Variants in AGMO observed in about 807,000 individuals in gnomAD.
AGMO encodes the protein alkylglycerol monooxygenase, also known as glyceryl-ether monooxygenase.
AGMO carries 75 observed loss-of-function variants against 60.2 expected under a neutral mutation model. The ratio of observed to expected loss-of-function variants is 1.25; its 90% CI spans 1.03 to 1.51. The LOEUF (loss-of-function observed/expected upper bound fraction) is 1.51, where lower values mean the gene tolerates loss of function less well. AGMO is among the 40% of genes most tolerant of loss of function. The pLI, the probability that AGMO is intolerant of heterozygous loss-of-function variation, is 0.00. For missense variants in AGMO, 763 were observed against 525.5 expected (o/e 1.45, Z -4.42); for synonymous variants, 261 against 177.1 (o/e 1.47, Z -3.76).
intron 3 of AGMO, among the ~76,000 whole-genome samples, chr7:15,500,851 T>C (rs978193468): frequency 6.6e-6 from 1 of 151,966 alleles, no homozygotes; most frequent in Non-Finnish European, 1.5e-5. Context: ...CTCTTAACAC[T>C]GCCTCAGCTG....
chr7:15,352,621 C>T (rs1053541718), intron 12 of AGMO, among the ~76,000 whole-genome samples: 13 of 151,944 alleles, frequency 8.6e-5, no homozygotes, highest in African/African-American at 3.1e-4. Flanking sequence ...TGGAACCAGA[C>T]ATTCTGGCCT....
chr7:15,454,210 T>C (rs973922099), intron 3 of AGMO, among the ~76,000 whole-genome samples: 6 of 152,030 alleles, frequency 3.9e-5, no homozygotes, highest in Non-Finnish European at 7.4e-5. Flanking sequence ...AAACACACAC[T>C]AACTTAAGTT....
intron 12 of AGMO, among the ~76,000 whole-genome samples, chr7:15,354,289 G>A (rs560368946): frequency 3.7e-5 from 4 of 107,474 alleles, no homozygotes; most frequent in Non-Finnish European, 5.5e-5. Context: ...TCACGAATGA[G>A]ATAAATATAT....
At chr7:15,271,441 A>AT (rs1783608055) in intron 12 of AGMO, among the ~76,000 whole-genome samples, 1 of 152,090 alleles carries the variant, frequency 6.6e-6, no homozygotes, top group South Asian at 2.1e-4. Context: ...TGTAAATGAG[A>AT]TTGAGTTTTC....
At chr7:15,366,715 CA>C (rs1782999016) in intron 10 of AGMO, among the ~76,000 whole-genome samples, 1 of 151,984 alleles carries the variant, frequency 6.6e-6, no homozygotes, top group Non-Finnish European at 1.5e-5. Flanking sequence ...ATATTTGATT[CA>C]ATCTACATGC....
intron 3 of AGMO, among the ~76,000 whole-genome samples, chr7:15,465,018 T>C (rs575112811): frequency 1.6e-3 from 236 of 152,248 alleles, no homozygotes; most frequent in African/African-American, 5.4e-3. Context: ...CACGTGTCAT[T>C]TTCTGTAATT....
intron 4 of AGMO, among the ~76,000 whole-genome samples, chr7:15,420,549 A>C (rs1368688679): frequency 6.6e-6 from 1 of 152,158 alleles, no homozygotes. Flanking sequence ...TAGAAAAAGA[A>C]TCTAATGACA....
At chr7:15,426,820 T>C (rs965100767) in intron 4 of AGMO, among the ~76,000 whole-genome samples, 1 of 151,934 alleles carries the variant, frequency 6.6e-6, no homozygotes, top group Non-Finnish European at 1.5e-5. Context: ...GCAGAGGTAA[T>C]GGCATGTGCA....
intron 2 of AGMO, among the ~76,000 whole-genome samples, chr7:15,557,412 GC>G (rs1289201506): frequency 6.6e-6 from 1 of 152,038 alleles, no homozygotes; most frequent in East Asian, 1.9e-4. Context: ...TCCGATCATT[GC>G]CGTGTTAATC....
intron 12 of AGMO, among the ~76,000 whole-genome samples, chr7:15,322,565 A>AAT (rs1306148346): frequency 1.7e-4 from 6 of 36,138 alleles, no homozygotes; most frequent in African/African-American, 3.3e-4. Context: ...TAAATATATA[A>AAT]ATATATATAA....
intron 2 of AGMO, among the ~76,000 whole-genome samples, chr7:15,547,055 T>C (rs1238062463): frequency 2.6e-5 from 4 of 152,188 alleles, no homozygotes; most frequent in African/African-American, 9.7e-5. Flanking sequence ...TTCTCTAAAA[T>C]AGGAATTCTT....
At chr7:15,441,184 G>C (rs1781544512) in intron 3 of AGMO, among the ~76,000 whole-genome samples, 1 of 152,188 alleles carries the variant, frequency 6.6e-6, no homozygotes, top group African/African-American at 2.4e-5. Context: ...TTTTGGATAA[G>C]GGAGTTTACT....
downstream of AGMO, among the ~76,000 whole-genome samples, chr7:15,197,455 T>C (rs537258650): frequency 1.7e-4 from 26 of 152,358 alleles, no homozygotes; most frequent in African/African-American, 5.5e-4. Flanking sequence ...TAGCAACTAA[T>C]TGAACATCTG....
intron 3 of AGMO, among the ~76,000 whole-genome samples, chr7:15,526,318 T>A (rs374457218): frequency 1.3e-5 from 2 of 152,216 alleles, no homozygotes; most frequent in East Asian, 3.8e-4. Flanking sequence ...CTGCAGGCCA[T>A]CAATCTTGCT....
At chr7:15,369,590 C>G (rs1002472169) in intron 10 of AGMO, among the ~76,000 whole-genome samples, 1 of 151,982 alleles carries the variant, frequency 6.6e-6, no homozygotes, top group Non-Finnish European at 1.5e-5. Flanking sequence ...CTTGTCCCTC[C>G]GACACAAAAT....
the AGMO span, among the ~76,000 whole-genome samples, chr7:15,155,875 C>T: frequency 6.6e-6 from 1 of 152,224 alleles, no homozygotes; most frequent in East Asian, 1.9e-4. Flanking sequence ...AGTTTATTTG[C>T]TTTGTTTCTG....
intron 12 of AGMO, among the ~76,000 whole-genome samples, chr7:15,209,284 T>C (rs557771280): frequency 2.0e-5 from 3 of 152,328 alleles, no homozygotes; most frequent in Admixed American, 6.5e-5. Flanking sequence ...TGTTTACAAA[T>C]GCAGAATAGC....
At chr7:15,518,127 T>C (rs1284343398) in intron 3 of AGMO, among the ~76,000 whole-genome samples, 1 of 152,080 alleles carries the variant, frequency 6.6e-6, no homozygotes, top group African/African-American at 2.4e-5. Context: ...TCCTCCTCTG[T>C]GGGCAGGGCA....
intron 3 of AGMO, among the ~76,000 whole-genome samples, chr7:15,498,717 CAA>C (rs1191717469): frequency 6.6e-6 from 1 of 151,894 alleles, no homozygotes; most frequent in African/African-American, 2.4e-5. Flanking sequence ...TGATTTACTA[CAA>C]GTGTCTAATT....
Sources: allele counts gnomAD v4.1 joint callset (sites outside exome capture counted in the v4.1 genomes callset), GRCh38; gene constraint gnomAD v4.1.1; transcripts MANE v1.5; gene names NCBI Gene and HGNC (gene_info 2026-07-23, HGNC 2026-07-21).